Variants in GRID1 observed in about 807,000 individuals in gnomAD.
GRID1 encodes the protein glutamate receptor ionotropic, delta-1.
In GRID1, 28 loss-of-function variants were observed where a neutral mutation model predicts 98.0. The observed-to-expected ratio is 0.29, with a 90% CI of 0.21 to 0.39. The LOEUF (loss-of-function observed/expected upper bound fraction) is 0.39, where lower values mean the gene tolerates loss of function less well. Ranked by LOEUF, GRID1 falls within the 10% of genes least tolerant of loss-of-function variation. The probability of loss-of-function intolerance (pLI) is 1.00; values close to 1 mark genes in which losing one functional copy is unlikely to be tolerated. For synonymous variants in GRID1, 553 were observed against 538.5 expected (o/e 1.03, Z -0.37); for missense variants, 1,111 against 1,340.5 (o/e 0.83, Z 2.67).
intron 4 of GRID1, among the ~76,000 whole-genome samples, chr10:85,958,070 C>T (rs778719904): frequency 2.0e-5 from 3 of 152,242 alleles, no homozygotes; most frequent in Non-Finnish European, 2.9e-5. Flanking sequence ...CAAAGGCAAA[C>T]CTCACAGGCC....
At chr10:85,991,880 T>G (rs1842685036) in intron 4 of GRID1, among the ~76,000 whole-genome samples, 1 of 152,132 alleles carries the variant, frequency 6.6e-6, no homozygotes, top group Non-Finnish European at 1.5e-5. Flanking sequence ...AGGGTTGCTT[T>G]CTTAGATTAA....
intron 4 of GRID1, among the ~76,000 whole-genome samples, chr10:85,989,744 C>T (rs759495614): frequency 7.9e-5 from 12 of 152,228 alleles, no homozygotes; most frequent in African/African-American, 1.9e-4. Flanking sequence ...GGCTGGAGAC[C>T]GCTGTTCTAC....
chr10:86,223,403 C>T (rs1846289975), intron 2 of GRID1, among the ~76,000 whole-genome samples: 1 of 152,370 alleles, frequency 6.6e-6, no homozygotes, highest in South Asian at 2.1e-4. Context: ...GGGGGCTCGG[C>T]CCCTCCAAAT....
rs564402277 is a variant in GRID1 at position 85,967,343 on chromosome 10, A to C, written c.727-51104T>G. Among the ~76,000 whole-genome samples, 11 of 151,904 alleles carry C rather than the reference A, an allele frequency of 7.2e-5. No individual in the cohort carries two copies. The East Asian group carries it at 1.9e-3, about 27-fold the overall frequency. On this transcript the variant is annotated intron_variant, in intron 4 of 15. Coordinates refer to ENST00000327946, the MANE Select transcript of GRID1 (RefSeq NM_017551.3). ...CAACAGCAACACCACCAAAAGAGAA[A>C]GAAAGAAAGAAAGAAAGAGAGAAAA... is the stretch of plus-strand genomic sequence containing the variant.
intron 4 of GRID1, among the ~76,000 whole-genome samples, chr10:85,935,119 C>A (rs7924131): frequency 1.3e-5 from 2 of 151,980 alleles, no homozygotes; most frequent in East Asian, 1.9e-4. Flanking sequence ...TCCCTGAATC[C>A]TTACAGTAGC....
chr10:86,314,321 A>C (rs1412575541), intron 2 of GRID1, among the ~76,000 whole-genome samples: 2 of 152,214 alleles, frequency 1.3e-5, no homozygotes, highest in East Asian at 1.9e-4. Context: ...ACAGGTCCCA[A>C]GGGTTGTCCC....
Position 86,366,542 on chromosome 10 carries a change from C to T in GRID1, c.-150G>A, listed in dbSNP as rs1036189607. ...GTCTTCCCCCGCGCGCCCGCCCCTG[C>T]GCCCTGCGCCCGCCCCAGCCCAGCC... On this transcript the variant is annotated 5_prime_UTR_variant, in exon 1 of 16. Transcript: ENST00000327946. The surrounding 1 kb of genome is among the most constrained non-coding windows in gnomAD (Gnocchi z 4.1). 8.8e-4 allele frequency: 283 copies of T among 322,822 alleles called. No individual in the cohort carries two copies. Among genetic ancestry groups the T allele is most frequent in the Non-Finnish European group, 1.2e-3 (232 of 188,246 alleles). The allele number at this position is 322,822 out of a possible 1,614,324, so 20.0% of individuals were successfully genotyped here.
At chr10:85,862,820 C>A (rs886926327) in intron 6 of GRID1, among the ~76,000 whole-genome samples, 2 of 152,106 alleles carry the variant, frequency 1.3e-5, no homozygotes, top group African/African-American at 4.8e-5. Context: ...GAGCAAAGGC[C>A]ACCAGTGAGA....
chr10:86,180,110 G>C (rs765296166), intron 3 of GRID1, among the ~76,000 whole-genome samples: 1 of 152,222 alleles, frequency 6.6e-6, no homozygotes, highest in South Asian at 2.1e-4. Flanking sequence ...GACAAAGGGA[G>C]GCCAGCCCAG....
chr10:85,691,684 A>T (rs955104484), intron 12 of GRID1, among the ~76,000 whole-genome samples: 7 of 152,240 alleles, frequency 4.6e-5, no homozygotes, highest in Admixed American at 4.6e-4. Context: ...AATTTCAATA[A>T]GACAGTTTCT....
At chr10:85,776,643 C>G (rs781441111) in intron 8 of GRID1, among the ~76,000 whole-genome samples, 13 of 152,168 alleles carry the variant, frequency 8.5e-5, no homozygotes, top group Non-Finnish European at 1.5e-4. Flanking sequence ...CCAAGCGCAG[C>G]GACCGCAGCC....
intron 13 of GRID1, among the ~76,000 whole-genome samples, chr10:85,629,393 C>A (rs1044983287): frequency 4.6e-5 from 7 of 150,832 alleles, no homozygotes; most frequent in Admixed American, 2.0e-4. Context: ...CACCCTCCCA[C>A]CTTTCCAAGT....
At chr10:86,182,348 C>T (rs1845668197) in intron 3 of GRID1, among the ~76,000 whole-genome samples, 2 of 152,218 alleles carry the variant, frequency 1.3e-5, no homozygotes, top group Non-Finnish European at 2.9e-5. Context: ...CACTGCATGC[C>T]ATTGATCGCC....
At chr10:86,127,496 G>T (rs1276282201) in intron 4 of GRID1, among the ~76,000 whole-genome samples, 1 of 152,120 alleles carries the variant, frequency 6.6e-6, no homozygotes, top group African/African-American at 2.4e-5. Context: ...CTCTCACCCT[G>T]CTCCTGAAAA....
At chr10:85,985,401 A>C (rs1317711806) in intron 4 of GRID1, among the ~76,000 whole-genome samples, 3 of 152,216 alleles carry the variant, frequency 2.0e-5, no homozygotes, top group Non-Finnish European at 2.9e-5. Context: ...GGTCTCCCCC[A>C]ACTGTAAGCT....
intron 2 of GRID1, among the ~76,000 whole-genome samples, chr10:86,344,363 G>T (rs1279583716): frequency 6.6e-6 from 1 of 152,222 alleles, no homozygotes; most frequent in Non-Finnish European, 1.5e-5. Context: ...GCCAATAAGA[G>T]GCAGAAGAGG....
intron 12 of GRID1, among the ~76,000 whole-genome samples, chr10:85,683,758 T>G (rs1047309194): frequency 1.3e-5 from 2 of 152,242 alleles, no homozygotes; most frequent in African/African-American, 4.8e-5. Context: ...TGAAAACTTT[T>G]GGCCCAGATA....
chr10:86,106,028 C>T (rs1018662736), intron 4 of GRID1, among the ~76,000 whole-genome samples: 12 of 152,140 alleles, frequency 7.9e-5, no homozygotes, highest in African/African-American at 2.9e-4. Context: ...ATGATGATAT[C>T]CACTGCTCAG....
At chr10:86,246,080 C>T (rs1846722126) in intron 2 of GRID1, among the ~76,000 whole-genome samples, 1 of 152,256 alleles carries the variant, frequency 6.6e-6, no homozygotes. Flanking sequence ...ACACAAGGGT[C>T]CTTCCCAGCT....
Sources: gnomAD v4.1 joint callset for allele counts (sites outside exome capture counted in the v4.1 genomes callset) on GRCh38, gnomAD v4.1.1 for gene constraint, Gnocchi (gnomAD v3.1) non-coding constraint, MANE v1.5 for transcripts, NCBI Gene and HGNC (gene_info 2026-07-23, HGNC 2026-07-21) for gene names.